BMP2K: variants seen among roughly 807,000 people sequenced by gnomAD.
BMP2K encodes BMP-2-inducible protein kinase.
Under a neutral mutation model 116.0 loss-of-function variants are expected in BMP2K, and 74 were observed. That is an observed-to-expected ratio of 0.64 (90% CI 0.53 to 0.77). BMP2K has a LOEUF of 0.77. BMP2K is among the 30% of genes least tolerant of loss of function. BMP2K has a pLI of 0.00. For synonymous variants in BMP2K, 486 were observed against 502.5 expected (o/e 0.97, Z 0.44); for missense variants, 1,365 against 1,403.6 (o/e 0.97, Z 0.44).
chr4:78,879,187 T>C, intron 14 of BMP2K: 3 of 1,080,572 alleles, frequency 2.8e-6, no homozygotes, highest in Non-Finnish European at 3.4e-6. Context: ...ACATGGAAAA[T>C]TGATGTTTCA....
At position 78,859,695 on chromosome 4, in the gene BMP2K, G is replaced by C. The variant is rs1731676246; in HGVS notation, c.987+8G>C. On this transcript the variant is annotated splice_region_variant and intron_variant, in intron 8 of 15. Transcript: ENST00000502613. ...CCAGTCTCCAACATCAATGTAAGTA[G>C]ATTTTCAAGTAGGATATGAATTTAA... 2.6e-6 allele frequency: 4 copies of C among 1,511,786 alleles called. No individual in the cohort carries two copies. The highest frequency in any genetic ancestry group is 3.7e-6 in the Non-Finnish European group (4 of 1,093,346). The allele number at this position is 1,511,786 out of a possible 1,614,324, so 93.6% of individuals were successfully genotyped here.
chr4:78,855,989 G>A (rs1044823520), intron 7 of BMP2K, among the ~76,000 whole-genome samples: 3 of 151,984 alleles, frequency 2.0e-5, no homozygotes, highest in Non-Finnish European at 4.4e-5. Context: ...ACCTGATCAC[G>A]TAATACTACT....
chr4:78,868,586 C>G (rs1403972450), intron 10 of BMP2K, among the ~76,000 whole-genome samples: 1 of 152,174 alleles, frequency 6.6e-6, no homozygotes, highest in Non-Finnish European at 1.5e-5. Context: ...TGAGACAGGG[C>G]AAGTCCCTTC....
chr4:78,873,656 CTCTGTGTGTGTGTG>C (rs1253184456), intron 13 of BMP2K, among the ~76,000 whole-genome samples: 3,469 of 138,184 alleles, frequency 0.025, 146 homozygotes, highest in East Asian at 0.21. Context: ...GCCTCCCAAC[CTCTGTGTGTGTGTG>C]TGTGTGTGTG....
chr4:78,795,089 A>G (rs994422084), intron 1 of BMP2K, among the ~76,000 whole-genome samples: 2 of 152,212 alleles, frequency 1.3e-5, no homozygotes, highest in African/African-American at 4.8e-5. Context: ...TGAAGAGAGA[A>G]TGCTTGATTG....
intron 9 of BMP2K, among the ~76,000 whole-genome samples, chr4:78,865,124 T>G (rs1396071702): frequency 6.6e-6 from 1 of 152,222 alleles, no homozygotes; most frequent in African/African-American, 2.4e-5. Flanking sequence ...CCACAGTCTT[T>G]TCTTTTTTTA....
chr4:78,819,862 T>C (rs763598446), intron 1 of BMP2K, among the ~76,000 whole-genome samples: 2 of 152,170 alleles, frequency 1.3e-5, no homozygotes, highest in Non-Finnish European at 2.9e-5. Flanking sequence ...CCCCATAATA[T>C]TCATTGTTAA....
At chr4:78,778,649 CA>C (rs1251994715) in intron 1 of BMP2K, among the ~76,000 whole-genome samples, 1 of 152,210 alleles carries the variant, frequency 6.6e-6, no homozygotes, top group Non-Finnish European at 1.5e-5. Context: ...TATGTATAAT[CA>C]GTTTAATTTT....
At chr4:78,830,502 T>C (rs911592770) in intron 2 of BMP2K, among the ~76,000 whole-genome samples, 2 of 152,232 alleles carry the variant, frequency 1.3e-5, no homozygotes, top group African/African-American at 4.8e-5. Flanking sequence ...CTTTGAAATT[T>C]TGAATACAGC....
At position 78,859,585 on chromosome 4, in the gene BMP2K, G is replaced by A. The variant is rs1176417538; in HGVS notation, c.885G>A (p.Arg295=). ...TAACATTTTGATCTATTCTTGCAGG[G>A]TTCATGCTTGAACCAGATCCGGAAC... is the stretch of plus-strand genomic sequence containing the variant. ...RYSRNIHCLI[R]FMLEPDPEHR... The change falls in exon 8 of 16, where the codon AGG becomes AGA. Residue 295 remains arginine (R), a splice_region_variant and synonymous_variant. Transcript: ENST00000502613. 9.4e-6 allele frequency: 15 copies of A among 1,603,906 alleles called. No homozygotes were observed. The highest frequency in any genetic ancestry group is 1.2e-5 in the Non-Finnish European group (14 of 1,174,570).
At chr4:78,846,111 A>C (rs1305618867) in intron 5 of BMP2K, among the ~76,000 whole-genome samples, 1 of 151,676 alleles carries the variant, frequency 6.6e-6, no homozygotes, top group Non-Finnish European at 1.5e-5. Context: ...CTGACCTGCT[A>C]GACATTTTAT....
intron 1 of BMP2K, 94 bp from the exon 2 acceptor site, chr4:78,825,943 G>A: frequency 2.1e-6 from 2 of 963,756 alleles, no homozygotes; most frequent in Non-Finnish European, 3.2e-6. Context: ...TACAATCATT[G>A]TTTATTTTCC....
chr4:78,810,525 G>A (rs1400112476), intron 1 of BMP2K, among the ~76,000 whole-genome samples: 1 of 152,192 alleles, frequency 6.6e-6, no homozygotes, highest in Non-Finnish European at 1.5e-5. Flanking sequence ...TGGTGATAGG[G>A]CTTTTTGCAC....
At chr4:78,895,786 G>A (rs1733670301) in intron 15 of BMP2K, among the ~76,000 whole-genome samples, 1 of 152,064 alleles carries the variant, frequency 6.6e-6, no homozygotes, top group Non-Finnish European at 1.5e-5. Flanking sequence ...TTTTGAAACA[G>A]CATTTTGCTT....
At chr4:78,883,597 A>G (rs958632832) in intron 14 of BMP2K, among the ~76,000 whole-genome samples, 1 of 152,184 alleles carries the variant, frequency 6.6e-6, no homozygotes, top group Non-Finnish European at 1.5e-5. Flanking sequence ...GTTCCCCTCT[A>G]CATGATAATG....
chr4:78,846,962 A>T (rs757502694), intron 5 of BMP2K, among the ~76,000 whole-genome samples: 2 of 151,556 alleles, frequency 1.3e-5, no homozygotes, highest in African/African-American at 2.4e-5. Flanking sequence ...CTTTTAGATT[A>T]TTAGAAATAC....
In BMP2K at chr4:78,809,128, C is replaced by T. The variant is rs189234069; in HGVS notation, c.179-16909C>T. On this transcript the variant is annotated intron_variant, in intron 1 of 15. Coordinates refer to ENST00000502613, the MANE Select transcript of BMP2K (RefSeq NM_198892.2). The stretch of plus-strand genomic sequence containing the variant: ...AGTTTTTGCCTCATGCATTTTGGGG[C>T]TTTGTTGTTAGTGTATATATGTTTG... 3.3e-5 allele frequency among the ~76,000 whole-genome samples: 5 copies of T among 152,222 alleles called. No homozygotes were observed. The East Asian group carries it at 9.6e-4, about 29-fold the overall frequency.
chr4:78,841,662 T>C (rs1473330339), intron 3 of BMP2K, among the ~76,000 whole-genome samples: 1 of 152,124 alleles, frequency 6.6e-6, no homozygotes, highest in Non-Finnish European at 1.5e-5. Context: ...GCCAGTCTCA[T>C]CTCACCTTAT....
At chr4:78,836,300 C>T (rs1730474193) in intron 3 of BMP2K, among the ~76,000 whole-genome samples, 1 of 151,848 alleles carries the variant, frequency 6.6e-6, no homozygotes, top group South Asian at 2.1e-4. Context: ...GCCTGTAGTC[C>T]CAGCTACTTG....
Sources: gnomAD v4.1 joint callset for allele counts (sites outside exome capture counted in the v4.1 genomes callset) on GRCh38, gnomAD v4.1.1 for gene constraint, MANE v1.5 for transcripts, NCBI Gene and HGNC (gene_info 2026-07-23, HGNC 2026-07-21) for gene names.